The following CRMP1 variants were observed in gnomAD, a reference collection of about 807,000 sequenced individuals.
CRMP1 encodes the protein dihydropyrimidinase-related protein 1.
In CRMP1, 19 loss-of-function variants were observed where a neutral mutation model predicts 68.3. The observed-to-expected ratio is 0.28, with a 90% CI of 0.19 to 0.41. The LOEUF (loss-of-function observed/expected upper bound fraction) is 0.41. Among genes scored for constraint, CRMP1 ranks in the 10% least tolerant of loss-of-function variants. The pLI, the probability that CRMP1 is intolerant of heterozygous loss-of-function variation, is 1.00. For missense variants in CRMP1, 791 were observed against 967.4 expected (o/e 0.82, Z 2.42); for synonymous variants, 439 against 399.6 (o/e 1.10, Z -1.18).
chr4:5,848,163 GAGAC>G (rs1712361070), intron 6 of CRMP1, among the ~76,000 whole-genome samples: 1 of 110,760 alleles, frequency 9.0e-6, no homozygotes. Context: ...TTTTTTTTTT[GAGAC>G]AGAGTCTCAC....
At position 5,872,292 on chromosome 4, in the gene CRMP1, T is replaced by TA. The variant is rs200526493; in HGVS notation, c.382-5537dup. Reference sequence around the variant, plus strand: ...TAATAACACCAAATTCACATATTTATAAAAAAAAATAATACCGGTGCCGTC... The same window carrying TA: ...TAATAACACCAAATTCACATATTTATAAAAAAAAAATAATACCGGTGCCGTC... On this transcript the variant is annotated intron_variant, in intron 1 of 13. Transcript: ENST00000324989. The surrounding 1 kb of genome is among the most constrained non-coding windows in gnomAD (Gnocchi z 4.6). Among the ~76,000 whole-genome samples, 4,509 of 151,644 alleles carry TA rather than the reference T, an allele frequency of 0.03. 94 individuals carry two copies. The highest frequency in any genetic ancestry group is 0.047 in the South Asian group (226 of 4,790).
chr4:5,851,530 C>CAATA, intron 4 of CRMP1, 61 bp from the exon 5 acceptor site: 2 of 1,499,248 alleles, frequency 1.3e-6, no homozygotes, highest in Non-Finnish European at 1.9e-6. Context: ...CATGTCTTTC[C>CAATA]AATAAATCAA....
intron 4 of CRMP1, 65 bp downstream of exon 4, chr4:5,856,078 A>G (rs1560504760): frequency 1.9e-6 from 3 of 1,579,136 alleles, no homozygotes; most frequent in African/African-American, 1.3e-5. Context: ...TTCACTCCAC[A>G]TAATCTTTGG....
At position 5,889,756 on chromosome 4, in the gene CRMP1, C is replaced by T; in HGVS notation, c.381+2833G>A. 3 of 1,534,636 alleles carry T rather than the reference C, an allele frequency of 2.0e-6. No homozygotes were observed. The highest frequency in any genetic ancestry group is 2.6e-6 in the Non-Finnish European group (3 of 1,145,854). On this transcript the variant is annotated intron_variant, in intron 1 of 13. Coordinates refer to ENST00000324989, the MANE Select transcript of CRMP1 (RefSeq NM_001014809.3). This position sits in a 1 kb window ranked among gnomAD's most constrained non-coding sequence, Gnocchi z 4.5. ...TGGCCTAGGCTTGGTACAGCTCCCCCAGCACTGTGGTTGGGGGCTGGGGCC... is the reference window on the plus strand; with the variant it reads ...TGGCCTAGGCTTGGTACAGCTCCCCTAGCACTGTGGTTGGGGGCTGGGGCC...
chr4:5,857,115 A>ACAATC (rs1713181324), intron 3 of CRMP1, among the ~76,000 whole-genome samples: 1 of 139,376 alleles, frequency 7.2e-6, no homozygotes, highest in Non-Finnish European at 1.6e-5. Context: ...CCACCACCAC[A>ACAATC]ATCATCACCA....
In CRMP1 at chr4:5,839,669, A is replaced by T. The variant is rs1442052171; in HGVS notation, c.1163T>A (p.Val388Asp). 2 of 1,609,744 alleles carry T rather than the reference A, an allele frequency of 1.2e-6. No individual in the cohort carries two copies. The highest frequency in any genetic ancestry group is 2.2e-5 in the East Asian group (1 of 44,704). The stretch of plus-strand genomic sequence containing the variant: ...GCTGGCGGCAATGGGCTCTCCAAAA[A>T]CTAGGGGCCCTTAGGAGGGGAAAAC... ...IALARKKGPL[V>D]FGEPIAASLG... Residue 388 changes from valine to aspartate, a missense_variant, in exon 9 of 14, where the codon GTT becomes GAT. Physicochemically the swap from Val to Asp is radical, Grantham distance 152. Coordinates refer to ENST00000324989, the MANE Select transcript of CRMP1 (RefSeq NM_001014809.3).
chr4:5,868,580 C>G lies in CRMP1; in HGVS notation c.382-1824G>C, dbSNP rs201395448. Among the ~76,000 whole-genome samples the G allele has an allele frequency of 2.4e-4, 36 of 152,074 alleles. No individual in the cohort carries two copies. In the East Asian group the frequency reaches 6.8e-3, roughly 29 times the overall value. On this transcript the variant is annotated intron_variant, in intron 1 of 13. Transcript: ENST00000324989. ...CCTCCCAAAGTGCTGGGATTACAGG[C>G]GTGAGCCACCGCGCCTGGCCTCACT...
In CRMP1 at chr4:5,888,427, C is replaced by A; in HGVS notation, c.381+4162G>T. On this transcript the variant is annotated intron_variant, in intron 1 of 13. Transcript: ENST00000324989. The surrounding 1 kb of genome is among the most constrained non-coding windows in gnomAD (Gnocchi z 6.4). ...CCCGTGGATGCCCACGCGCGGCTGCCCCGGCTGCTCGGCCCGCCCGCCGCC... is the reference window on the plus strand; with the variant it reads ...CCCGTGGATGCCCACGCGCGGCTGCACCGGCTGCTCGGCCCGCCCGCCGCC... 1 of 1,216,766 alleles carries A rather than the reference C, an allele frequency of 8.2e-7. No individual in the cohort carries two copies. The allele number at this position is 1,216,766 out of a possible 1,614,324, so 75.4% of individuals were successfully genotyped here.
chr4:5,879,627 A>G lies in CRMP1; in HGVS notation c.382-12871T>C, dbSNP rs1715096224. 6.6e-6 allele frequency among the ~76,000 whole-genome samples: 1 copy of G among 152,210 alleles called. No homozygotes were observed. Among genetic ancestry groups the G allele is most frequent in the African/African-American group, 2.4e-5 (1 of 41,448 alleles). ...GAAATAATATGTAAAAGCACCCAAT[A>G]CACTGAACACTGTCCTATGAAGTTT... On this transcript the variant is annotated intron_variant, in intron 1 of 13. Transcript: ENST00000324989. This position sits in a 1 kb window ranked among gnomAD's most constrained non-coding sequence, Gnocchi z 4.2.
At chr4:5,885,267 A>G (rs977232224) in intron 1 of CRMP1, among the ~76,000 whole-genome samples, 2 of 152,020 alleles carry the variant, frequency 1.3e-5, no homozygotes, top group Non-Finnish European at 2.9e-5. Flanking sequence ...CTCTGAACTC[A>G]TTGGCAAAGC....
In CRMP1 at chr4:5,828,594, G is replaced by A. The variant is rs774472698; in HGVS notation, c.1698C>T (p.Ile566=). ...SPLVVISQGK[I]VFEDGNINVN... Reference sequence around the variant, plus strand: ...CGTTGATGTTTCCGTCTTCAAAGACGATCTTGCCCTGGCTGATGACCACTA... The same window carrying A: ...CGTTGATGTTTCCGTCTTCAAAGACAATCTTGCCCTGGCTGATGACCACTA... The change falls in exon 12 of 14, where the codon ATC becomes ATT. Residue 566 remains isoleucine, a synonymous_variant. Transcript: ENST00000324989. 3 of 1,614,164 alleles carry A rather than the reference G, an allele frequency of 1.9e-6. No individual in the cohort carries two copies. Among genetic ancestry groups the A allele is most frequent in the Admixed American group, 1.7e-5 (1 of 60,024 alleles).
At position 5,825,855 on chromosome 4, in the gene CRMP1, GCATGCATACACACACATCTACATACCCA is replaced by G. The variant is rs556501542; in HGVS notation, c.1804-224_1804-197del. On this transcript the variant is annotated intron_variant, in intron 12 of 13. Coordinates refer to ENST00000324989, the MANE Select transcript of CRMP1 (RefSeq NM_001014809.3). This position sits in a 1 kb window ranked among gnomAD's most constrained non-coding sequence, Gnocchi z 4.4. ...CGCACACAGGCATTCATACACACAA[GCATGCATACACACACATCTACATACCCA>G]CATGCATACACATACAGACGCACAC... The G allele has an allele frequency of 0.013, 7,229 of 575,942 alleles. 67 individuals are homozygous for G. Among genetic ancestry groups the G allele is most frequent in the Middle Eastern group, 0.024 (58 of 2,382 alleles). 35.7% of individuals were successfully genotyped at this position (575,942 alleles called of 1,614,324 possible).
intron 5 of CRMP1, 131 bp from the exon 6 acceptor site, chr4:5,849,603 T>C (rs1712472406): frequency 1.6e-6 from 1 of 627,360 alleles, no homozygotes; most frequent in Admixed American, 2.7e-5. Context: ...AACACATTCA[T>C]GTGGATGGAA....
Position 5,841,402 on chromosome 4 carries a change from G to A in CRMP1, c.1059C>T (p.Ala353=), listed in dbSNP as rs1245911663. 1.2e-6 allele frequency: 2 copies of A among 1,614,054 alleles called. No individual in the cohort carries two copies. Among genetic ancestry groups the A allele is most frequent in the African/African-American group, 1.3e-5 (1 of 74,916 alleles). ...EELEAEAVFR[A]ITIAGRINCP... is the part of the protein sequence containing the mutation. Reference sequence around the variant, plus strand: ...AGTTGATCCGGCCCGCAATGGTGATGGCCCGGAACACCGCCTCGGCCTCCA... The same window carrying A: ...AGTTGATCCGGCCCGCAATGGTGATAGCCCGGAACACCGCCTCGGCCTCCA... The change falls in exon 8 of 14, where the codon GCC becomes GCT. Residue 353 remains alanine (A), a synonymous_variant. Coordinates refer to ENST00000324989, the MANE Select transcript of CRMP1 (RefSeq NM_001014809.3). The surrounding 1 kb of genome is among the most constrained non-coding windows in gnomAD (Gnocchi z 6.9).
Position 5,890,391 on chromosome 4 carries a change from C to T in CRMP1, c.381+2198G>A, listed in dbSNP as rs1715885959. ...AATCCTTGCGCCTGCGCCGCAGAAA[C>T]CCCTCCTGCAGCCCAGGGAGAAGCC... On this transcript the variant is annotated intron_variant, in intron 1 of 13. Coordinates refer to ENST00000324989, the MANE Select transcript of CRMP1 (RefSeq NM_001014809.3). The surrounding 1 kb of genome is among the most constrained non-coding windows in gnomAD (Gnocchi z 5.5). Among the ~76,000 whole-genome samples, 2 of 152,244 alleles carry T rather than the reference C, an allele frequency of 1.3e-5. No individual in the cohort carries two copies. The highest frequency in any genetic ancestry group is 1.3e-4 in the Admixed American group (2 of 15,290).
chr4:5,870,800 C>T lies in CRMP1; in HGVS notation c.382-4044G>A, dbSNP rs183490085. Reference sequence around the variant, plus strand: ...AGAGGAAACTCACCAAGCCTCTTGACGGCAATCCGGGACCAATGGGAAAAA... The same window carrying T: ...AGAGGAAACTCACCAAGCCTCTTGATGGCAATCCGGGACCAATGGGAAAAA... On this transcript the variant is annotated intron_variant, in intron 1 of 13. Coordinates refer to ENST00000324989, the MANE Select transcript of CRMP1 (RefSeq NM_001014809.3). This position sits in a 1 kb window ranked among gnomAD's most constrained non-coding sequence, Gnocchi z 6.0. Among the ~76,000 whole-genome samples the T allele has an allele frequency of 2.6e-3, 389 of 152,290 alleles. 4 individuals carry two copies. The South Asian group carries it at 0.026, about 10-fold the overall frequency.
At chr4:5,847,394 T>C (rs758972965) in intron 6 of CRMP1, among the ~76,000 whole-genome samples, 2 of 152,130 alleles carry the variant, frequency 1.3e-5, no homozygotes, top group African/African-American at 4.8e-5. Flanking sequence ...GAGAGGAACA[T>C]CAATCATGGG....
In CRMP1 at chr4:5,888,208, C is replaced by T; in HGVS notation, c.381+4381G>A. ...GCCCACAAAGGCCAGCGCGGGGCGG[C>T]GGGGGCGGGGGCCGCTTACCGTGAT... On this transcript the variant is annotated intron_variant, in intron 1 of 13. Transcript: ENST00000324989. The surrounding 1 kb of genome is among the most constrained non-coding windows in gnomAD (Gnocchi z 6.4). 4 of 1,258,510 alleles carry T rather than the reference C, an allele frequency of 3.2e-6. No homozygotes were observed. Among genetic ancestry groups the T allele is most frequent in the East Asian group, 3.1e-5 (1 of 32,076 alleles). The allele number at this position is 1,258,510 out of a possible 1,614,324, so 78.0% of individuals were successfully genotyped here.
At position 5,851,386 on chromosome 4, in the gene CRMP1, AGAGT is replaced by A; in HGVS notation, c.882+18_882+21del. 1 of 1,610,538 alleles carries A rather than the reference AGAGT, an allele frequency of 6.2e-7. No homozygotes were observed. Among genetic ancestry groups the A allele is most frequent in the Non-Finnish European group, 8.5e-7 (1 of 1,176,728 alleles). On this transcript the variant is annotated intron_variant, in intron 5 of 13. Coordinates refer to ENST00000324989, the MANE Select transcript of CRMP1 (RefSeq NM_001014809.3). The stretch of plus-strand genomic sequence containing the variant: ...CAGTCCTGCCCAGACAAGAGAGGAG[AGAGT>A]GAGTGTGAGGGACCTACCTGGCTGT...
Sources: allele counts gnomAD v4.1 joint callset (sites outside exome capture counted in the v4.1 genomes callset), GRCh38; gene constraint gnomAD v4.1.1; non-coding constraint Gnocchi (gnomAD v3.1); transcripts MANE v1.5; gene names NCBI Gene and HGNC (gene_info 2026-07-23, HGNC 2026-07-21).